AGBL4: variants seen among roughly 807,000 people sequenced by gnomAD.
AGBL4 encodes the protein cytosolic carboxypeptidase 6.
In AGBL4, 58 loss-of-function variants were observed where a neutral mutation model predicts 66.4. That is an observed-to-expected ratio of 0.87 (90% CI 0.71 to 1.09). The LOEUF (loss-of-function observed/expected upper bound fraction) is 1.09. Among genes scored for constraint, AGBL4 ranks in the 50% least tolerant of loss-of-function variants. AGBL4 has a pLI of 0.00. For missense variants in AGBL4, 579 were observed against 631.0 expected (o/e 0.92, Z 0.88); for synonymous variants, 234 against 222.9 (o/e 1.05, Z -0.44).
At chr1:49,746,333 T>C (rs1650984619) in intron 2 of AGBL4, among the ~76,000 whole-genome samples, 1 of 152,044 alleles carries the variant, frequency 6.6e-6, no homozygotes. Flanking sequence ...ACTCTAAATA[T>C]TTAATGATAA....
At chr1:49,300,787 G>A (rs1010246650) in intron 3 of AGBL4, among the ~76,000 whole-genome samples, 4 of 152,224 alleles carry the variant, frequency 2.6e-5, no homozygotes, top group East Asian at 1.9e-4. Context: ...TAGCTAGTTC[G>A]TTGTGCTATT....
chr1:48,908,283 C>A (rs1035031830), intron 5 of AGBL4, among the ~76,000 whole-genome samples: 2 of 152,096 alleles, frequency 1.3e-5, no homozygotes, highest in African/African-American at 4.8e-5. Context: ...TGATTCATGG[C>A]AAACTCTTTA....
chr1:49,060,506 C>T (rs1644383997), intron 4 of AGBL4, among the ~76,000 whole-genome samples: 1 of 152,056 alleles, frequency 6.6e-6, no homozygotes, highest in African/African-American at 2.4e-5. Context: ...GTCACTGAGC[C>T]CTAACATGTG....
At position 49,947,391 on chromosome 1, in the gene AGBL4, T is replaced by C. The variant is rs376479889; in HGVS notation, c.34+76372A>G. On this transcript the variant is annotated intron_variant, in intron 1 of 13. Transcript: ENST00000371839. Reference sequence around the variant, plus strand: ...CCAGGGATGCAGGGATGGTTTAACATACACAAGTCAATAAATGTGATACAC... The same window carrying C: ...CCAGGGATGCAGGGATGGTTTAACACACACAAGTCAATAAATGTGATACAC... 2.6e-5 allele frequency among the ~76,000 whole-genome samples: 4 copies of C among 152,164 alleles called. No individual in the cohort carries two copies. The South Asian group carries it at 8.3e-4, about 32-fold the overall frequency.
intron 4 of AGBL4, among the ~76,000 whole-genome samples, chr1:49,090,766 G>A (rs1440751586): frequency 1.3e-5 from 2 of 152,128 alleles, no homozygotes; most frequent in Non-Finnish European, 2.9e-5. Context: ...TCAAAAAAGA[G>A]CTCAAATAGC....
chr1:48,530,393 T>C (rs2798119), downstream of AGBL4, among the ~76,000 whole-genome samples: 125,694 of 152,166 alleles, frequency 0.83, 52,355 homozygotes, highest in Non-Finnish European at 0.88. Context: ...GTTAATCAGC[T>C]TACACTTCCA....
At chr1:48,790,750 A>G (rs1223556244) in intron 6 of AGBL4, among the ~76,000 whole-genome samples, 1 of 152,202 alleles carries the variant, frequency 6.6e-6, no homozygotes, top group Non-Finnish European at 1.5e-5. Context: ...TAATATCATT[A>G]TCTCAGGAGT....
intron 5 of AGBL4, among the ~76,000 whole-genome samples, chr1:48,884,139 A>T (rs1434833544): frequency 6.6e-6 from 1 of 152,188 alleles, no homozygotes. Context: ...CCCCTATTGA[A>T]TAAATGCCTA....
intron 2 of AGBL4, among the ~76,000 whole-genome samples, chr1:49,730,967 T>C (rs141259542): frequency 2.0e-5 from 3 of 152,366 alleles, no homozygotes; most frequent in East Asian, 3.9e-4. Flanking sequence ...CTCTGCATTC[T>C]ACTCCCTGCT....
intron 6 of AGBL4, among the ~76,000 whole-genome samples, chr1:48,718,431 A>C (rs189989620): frequency 1.4e-3 from 220 of 152,382 alleles, no homozygotes; most frequent in Non-Finnish European, 2.5e-3. Context: ...AGAAAAGTGC[A>C]TGAATCAGCA....
intron 6 of AGBL4, among the ~76,000 whole-genome samples, chr1:48,814,208 T>A (rs60680275): frequency 6.6e-6 from 1 of 152,256 alleles, no homozygotes; most frequent in East Asian, 1.9e-4. Context: ...CTTCTCTTGA[T>A]CTTCAGCCAA....
At chr1:49,111,558 G>C (rs910094718) in intron 4 of AGBL4, among the ~76,000 whole-genome samples, 3 of 152,164 alleles carry the variant, frequency 2.0e-5, no homozygotes, top group Non-Finnish European at 4.4e-5. Context: ...CCTCCACAGA[G>C]AGGCTTCTTT....
At chr1:48,752,543 G>C (rs1412852186) in intron 6 of AGBL4, among the ~76,000 whole-genome samples, 2 of 152,164 alleles carry the variant, frequency 1.3e-5, no homozygotes, top group Non-Finnish European at 2.9e-5. Context: ...GAAATCTCTA[G>C]GTGTCATCCA....
intron 5 of AGBL4, among the ~76,000 whole-genome samples, chr1:48,975,290 T>C (rs1160601438): frequency 6.6e-6 from 1 of 152,174 alleles, no homozygotes; most frequent in Non-Finnish European, 1.5e-5. Flanking sequence ...TATTGAATAA[T>C]CTGTAATGTT....
At chr1:49,372,339 C>T (rs1044624095) in intron 3 of AGBL4, among the ~76,000 whole-genome samples, 3 of 152,102 alleles carry the variant, frequency 2.0e-5, no homozygotes, top group Non-Finnish European at 2.9e-5. Flanking sequence ...ATTTTTCATC[C>T]ATGTCAGTTC....
chr1:48,564,365 C>T (rs1233484061), intron 11 of AGBL4, among the ~76,000 whole-genome samples: 1 of 151,994 alleles, frequency 6.6e-6, no homozygotes, highest in African/African-American at 2.4e-5. Context: ...TGTCTAGGCT[C>T]CTGCTGCCTT....
At chr1:48,969,424 T>C (rs1369143474) in intron 5 of AGBL4, among the ~76,000 whole-genome samples, 1 of 152,172 alleles carries the variant, frequency 6.6e-6, no homozygotes, top group African/African-American at 2.4e-5. Flanking sequence ...TCCTCTTAAA[T>C]CTTGTTGCAA....
chr1:49,641,159 C>A (rs2124405132), intron 3 of AGBL4, among the ~76,000 whole-genome samples: 1 of 152,144 alleles, frequency 6.6e-6, no homozygotes, highest in East Asian at 1.9e-4. Flanking sequence ...TTCCTTCTTT[C>A]TCTTAGTAAA....
intron 4 of AGBL4, among the ~76,000 whole-genome samples, chr1:49,060,897 G>A (rs1644391261): frequency 6.6e-6 from 1 of 152,190 alleles, no homozygotes; most frequent in Non-Finnish European, 1.5e-5. Context: ...TGGAGTCCAA[G>A]AAAGCCAGGA....
Sources: gnomAD v4.1 joint callset for allele counts (sites outside exome capture counted in the v4.1 genomes callset) on GRCh38, gnomAD v4.1.1 for gene constraint, MANE v1.5 for transcripts, NCBI Gene and HGNC (gene_info 2026-07-23, HGNC 2026-07-21) for gene names.